The following WDR7 variants were observed in gnomAD, a reference collection of about 807,000 sequenced individuals.
The protein encoded by WDR7 is WD repeat-containing protein 7.
A neutral mutation model predicts 169.4 loss-of-function variants in WDR7; 46 were observed. The observed-to-expected ratio is 0.27, with a 90% CI of 0.21 to 0.35. The LOEUF is 0.35. Ranked by LOEUF, WDR7 falls within the 10% of genes least tolerant of loss-of-function variation. The pLI is 1.00. For missense variants in WDR7, 1,534 were observed against 1,859.3 expected, an observed-to-expected ratio of 0.83 and a Z score of 3.22; for synonymous variants, 612 against 666.8, an observed-to-expected ratio of 0.92 and a Z score of 1.27.
intron 26 of WDR7, among the ~76,000 whole-genome samples, chr18:57,007,487 AAT>A (rs1298257038): frequency 6.6e-6 from 1 of 152,174 alleles, no homozygotes; most frequent in Non-Finnish European, 1.5e-5. Context: ...ATTTAATTCA[AAT>A]ATATGTTTTT....
At chr18:57,019,312 A>C (rs770620541) in intron 26 of WDR7, among the ~76,000 whole-genome samples, 2 of 152,194 alleles carry the variant, frequency 1.3e-5, no homozygotes, top group Non-Finnish European at 2.9e-5. Context: ...TAACCTTTAC[A>C]AAGCTCTTTG....
intron 26 of WDR7, among the ~76,000 whole-genome samples, chr18:57,012,570 T>G (rs1415669282): frequency 6.6e-6 from 1 of 152,150 alleles, no homozygotes; most frequent in Non-Finnish European, 1.5e-5. Flanking sequence ...CGCCACAAGC[T>G]CTTGTTTCCA....
chr18:57,024,934 A>T (rs12968445), intron 27 of WDR7, among the ~76,000 whole-genome samples: 7,730 of 19,436 alleles, frequency 0.4, 2,265 homozygotes, highest in Non-Finnish European at 0.46. Flanking sequence ...GAATTTCACA[A>T]ATCCCTATTC....
chr18:56,840,288 G>A (rs2045462714), intron 20 of WDR7, among the ~76,000 whole-genome samples: 1 of 151,642 alleles, frequency 6.6e-6, no homozygotes, highest in Non-Finnish European at 1.5e-5. Flanking sequence ...GAAGAGCAAT[G>A]GAAAACTATA....
chr18:56,811,444 G>T (rs141527489), intron 19 of WDR7, among the ~76,000 whole-genome samples: 2 of 152,070 alleles, frequency 1.3e-5, no homozygotes, highest in Non-Finnish European at 2.9e-5. Flanking sequence ...TTTGGAGCTT[G>T]TCTTTTCATC....
chr18:57,029,978 A>G (rs970420496), downstream of WDR7: 1 of 152,158 alleles, frequency 6.6e-6, no homozygotes, highest in African/African-American at 2.4e-5. Context: ...CTCTCCCTCC[A>G]GAAACTCACT....
At chr18:56,977,596 C>T (rs1474391047) in intron 26 of WDR7, among the ~76,000 whole-genome samples, 1 of 152,154 alleles carries the variant, frequency 6.6e-6, no homozygotes, top group African/African-American at 2.4e-5. Context: ...GCATTCATTG[C>T]TTTGAATGTT....
chr18:56,789,765 T>C (rs2145109768), intron 19 of WDR7, among the ~76,000 whole-genome samples: 1 of 152,316 alleles, frequency 6.6e-6, no homozygotes, highest in East Asian at 1.9e-4. Flanking sequence ...TCATTACCTC[T>C]CCTATAGTTG....
At chr18:56,820,242 T>C (rs2045065035) in intron 20 of WDR7, among the ~76,000 whole-genome samples, 1 of 146,256 alleles carries the variant, frequency 6.8e-6, no homozygotes, top group South Asian at 2.2e-4. Flanking sequence ...TATATTCTTC[T>C]GAGGGTCATA....
chr18:57,018,821 T>TA (rs990019367), intron 26 of WDR7, among the ~76,000 whole-genome samples: 18 of 152,170 alleles, frequency 1.2e-4, no homozygotes, highest in African/African-American at 3.9e-4. Context: ...ATCTTGATGT[T>TA]AAAAAACAGT....
intron 13 of WDR7, among the ~76,000 whole-genome samples, chr18:56,724,431 C>T (rs1203187172): frequency 2.0e-5 from 3 of 151,622 alleles, no homozygotes; most frequent in African/African-American, 7.3e-5. Context: ...AGGTTGGTCT[C>T]GAGCTCCTGA....
intron 20 of WDR7, among the ~76,000 whole-genome samples, chr18:56,856,717 G>A (rs2045727400): frequency 6.6e-6 from 1 of 151,952 alleles, no homozygotes; most frequent in Non-Finnish European, 1.5e-5. Flanking sequence ...GTATTGAGTA[G>A]CCTTCTGTAC....
chr18:57,035,770 G>A, the WDR7 span: 1 of 152,294 alleles, frequency 6.6e-6, no homozygotes, highest in African/African-American at 2.4e-5. Flanking sequence ...CGGCCAGAGA[G>A]ACCAGACCTG....
intron 19 of WDR7, among the ~76,000 whole-genome samples, chr18:56,807,562 T>C (rs1364192807): frequency 6.6e-6 from 1 of 152,188 alleles, no homozygotes; most frequent in African/African-American, 2.4e-5. Context: ...AATATTCTAT[T>C]GATACAGTAC....
At chr18:56,732,526 C>T (rs1046591084) in intron 14 of WDR7, among the ~76,000 whole-genome samples, 18 of 152,122 alleles carry the variant, frequency 1.2e-4, no homozygotes, top group African/African-American at 1.2e-4. Flanking sequence ...TGAGTTCGTG[C>T]GTGCTGATGA....
intron 12 of WDR7, among the ~76,000 whole-genome samples, chr18:56,715,855 C>T (rs1056262860): frequency 6.6e-6 from 1 of 151,978 alleles, no homozygotes; most frequent in African/African-American, 2.4e-5. Flanking sequence ...TTTGGCAGAT[C>T]GATGTTGCAA....
At chr18:56,887,256 G>A (rs1294112529) in intron 21 of WDR7, among the ~76,000 whole-genome samples, 1 of 152,126 alleles carries the variant, frequency 6.6e-6, no homozygotes, top group Non-Finnish European at 1.5e-5. Flanking sequence ...TGTATTTCTG[G>A]CATGAGCTCA....
chr18:56,870,816 A>G (rs1004683860), intron 20 of WDR7, among the ~76,000 whole-genome samples: 1 of 152,180 alleles, frequency 6.6e-6, no homozygotes, highest in East Asian at 1.9e-4. Context: ...GGAGAAAGGT[A>G]AAGTTATTTT....
At chr18:56,750,012 T>TGTGTGTGTGC (rs2043764278) in intron 14 of WDR7, among the ~76,000 whole-genome samples, 1 of 151,962 alleles carries the variant, frequency 6.6e-6, no homozygotes, top group Non-Finnish European at 1.5e-5. Flanking sequence ...TATGGGTGTG[T>TGTGTGTGTGC]GTGTGTGTGC....
Sources: gnomAD v4.1 joint callset for allele counts (sites outside exome capture counted in the v4.1 genomes callset) on GRCh38, gnomAD v4.1.1 for gene constraint, MANE v1.5 for transcripts, NCBI Gene and HGNC (gene_info 2026-07-23, HGNC 2026-07-21) for gene names.